MYLK: variants seen among roughly 807,000 people sequenced by gnomAD.
The protein encoded by MYLK is myosin light chain kinase, smooth muscle.
Under a neutral mutation model 203.4 loss-of-function variants are expected in MYLK, and 106 were observed. The ratio of observed to expected loss-of-function variants is 0.52; its 90% confidence interval spans 0.45 to 0.61. MYLK has a LOEUF of 0.61. Among genes scored for constraint, MYLK ranks in the 20% least tolerant of loss-of-function variants. The pLI is 0.00. For missense variants in MYLK, 2,072 were observed against 2,442.3 expected (o/e 0.85, Z 3.20); for synonymous variants, 867 against 959.5 (o/e 0.90, Z 1.78).
Position 123,666,068 on chromosome 3 carries a change from G to C in MYLK, c.3831+151C>G, listed in dbSNP as rs371684936. ...GGTTAACAAGAACTCAGGTTTGGCA[G>C]GTGAGCGATGGGTAGGGGAGTGGCC... On this transcript the variant is annotated intron_variant, in intron 22 of 33. Transcript: ENST00000360304. 33 of 1,214,736 alleles carry C rather than the reference G, an allele frequency of 2.7e-5. No individual in the cohort carries two copies. The African/African-American group carries it at 4.3e-4, about 16-fold the overall frequency. 75.2% of individuals were successfully genotyped at this position (1,214,736 alleles called of 1,614,324 possible). A position where few individuals can be genotyped will look rare whatever the true frequency, so the allele number is the denominator to read the frequency against.
At chr3:123,657,104 T>C (rs2059411411) in intron 24 of MYLK, 22 bp downstream of exon 24, 1 of 1,614,054 alleles carries the variant, frequency 6.2e-7, no homozygotes, top group African/African-American at 1.3e-5. Flanking sequence ...TTCAAGCCAC[T>C]GATGAAGTGA....
intron 2 of MYLK, among the ~76,000 whole-genome samples, chr3:123,861,588 T>C (rs1309612041): frequency 6.6e-6 from 1 of 152,254 alleles, no homozygotes; most frequent in Admixed American, 6.5e-5. Flanking sequence ...TTTATCCATA[T>C]GACTCTGCCC....
At chr3:123,861,527 G>A (rs142695757) in intron 2 of MYLK, among the ~76,000 whole-genome samples, 3 of 152,336 alleles carry the variant, frequency 2.0e-5, no homozygotes, top group Non-Finnish European at 2.9e-5. Context: ...TGGAGTAGAC[G>A]CCAGAGGGCC....
At chr3:123,658,513 C>T (rs2059462265) in intron 23 of MYLK, among the ~76,000 whole-genome samples, 1 of 152,162 alleles carries the variant, frequency 6.6e-6, no homozygotes, top group African/African-American at 2.4e-5. Flanking sequence ...TGTTCATTAA[C>T]CCTTCATCTC....
chr3:123,773,150 AT>A (rs1379932343), intron 4 of MYLK, among the ~76,000 whole-genome samples: 1 of 152,212 alleles, frequency 6.6e-6, no homozygotes, highest in African/African-American at 2.4e-5. Context: ...CTATACAACT[AT>A]TAAGATTTAT....
Position 123,663,219 on chromosome 3 carries a change from A to C in MYLK, c.3985+886T>G, listed in dbSNP as rs568014810. Among the ~76,000 whole-genome samples, 194 of 152,246 alleles carry C rather than the reference A, an allele frequency of 1.3e-3. 2 individuals carry two copies. Among genetic ancestry groups the C allele is most frequent in the Non-Finnish European group, 2.3e-3 (156 of 68,002 alleles). On this transcript the variant is annotated intron_variant, in intron 23 of 33. Transcript: ENST00000360304. ...TTGATGCTCCAGGAGAGAGCTGACC[A>C]GGGCACGAAGACAGTGTTAAGGGAG... is the stretch of plus-strand genomic sequence containing the variant.
intron 4 of MYLK, among the ~76,000 whole-genome samples, chr3:123,762,177 T>C (rs541082143): frequency 1.4e-4 from 22 of 152,352 alleles, no homozygotes; most frequent in African/African-American, 4.8e-4. Context: ...TAGTCATTTC[T>C]TCTGATATTT....
At chr3:123,662,151 T>C (rs2059584847) in intron 23 of MYLK, among the ~76,000 whole-genome samples, 1 of 152,166 alleles carries the variant, frequency 6.6e-6, no homozygotes, top group Admixed American at 6.6e-5. Context: ...GGCTTGCATG[T>C]CTCCCCTCAA....
chr3:123,758,774 T>G (rs2063442028), intron 4 of MYLK, among the ~76,000 whole-genome samples: 1 of 152,230 alleles, frequency 6.6e-6, no homozygotes. Flanking sequence ...GATATAAGCA[T>G]CTAAAACCCT....
chr3:123,760,723 A>T (rs1392659206), intron 4 of MYLK, among the ~76,000 whole-genome samples: 1 of 152,184 alleles, frequency 6.6e-6, no homozygotes, highest in East Asian at 1.9e-4. Context: ...ATTCTTATAG[A>T]CAACTTCAAG....
At chr3:123,712,141 C>T (rs1221616776) in intron 13 of MYLK, among the ~76,000 whole-genome samples, 3 of 152,220 alleles carry the variant, frequency 2.0e-5, no homozygotes, top group Non-Finnish European at 2.9e-5. Flanking sequence ...GCTGCTGACT[C>T]AGCACCGCAG....
intron 13 of MYLK, among the ~76,000 whole-genome samples, chr3:123,716,946 A>C (rs1368588453): frequency 6.6e-6 from 1 of 152,216 alleles, no homozygotes; most frequent in Non-Finnish European, 1.5e-5. Flanking sequence ...CTCAACCTAC[A>C]TAAAATGAAA....
chr3:123,714,191 G>T (rs1212513768), intron 13 of MYLK, among the ~76,000 whole-genome samples: 1 of 152,208 alleles, frequency 6.6e-6, no homozygotes, highest in Non-Finnish European at 1.5e-5. Flanking sequence ...TTACAGTGGA[G>T]GGAGCTGAGA....
chr3:123,682,182 C>CCTGCCT, intron 20 of MYLK, 42 bp downstream of exon 20: 1 of 1,527,002 alleles, frequency 6.5e-7, no homozygotes, highest in Admixed American at 1.9e-5. Flanking sequence ...GGTGCCTGCC[C>CCTGCCT]CTGCCTCTGC....
In MYLK at chr3:123,614,022, T is replaced by A. The variant is rs909737983; in HGVS notation, c.*83A>T. 3 of 1,491,510 alleles carry A rather than the reference T, an allele frequency of 2.0e-6. No homozygotes were observed. Among genetic ancestry groups the A allele is most frequent in the Admixed American group, 3.7e-5 (2 of 54,580 alleles). 92.4% of individuals were successfully genotyped at this position (1,491,510 alleles called of 1,614,324 possible). On this transcript the variant is annotated 3_prime_UTR_variant, in exon 34 of 34. Coordinates refer to ENST00000360304, the MANE Select transcript of MYLK (RefSeq NM_053025.4). ...TCTATCACACTAGGTGCTTTTACTA[T>A]CTTGAGTTTTTTTTTTTTTTTTGAG...
At chr3:123,752,226 T>G in intron 5 of MYLK, 105 bp downstream of exon 5, 1 of 1,226,838 alleles carries the variant, frequency 8.2e-7, no homozygotes, top group Non-Finnish European at 1.2e-6. Context: ...GTGTTTTCTC[T>G]TGTCAGTTCC....
At chr3:123,874,977 C>G (rs753422204) in intron 2 of MYLK, among the ~76,000 whole-genome samples, 2 of 152,126 alleles carry the variant, frequency 1.3e-5, no homozygotes, top group Non-Finnish European at 2.9e-5. Context: ...TAAAATCTGA[C>G]AATACCAAGT....
intron 20 of MYLK, among the ~76,000 whole-genome samples, chr3:123,673,504 A>C (rs1226335945): frequency 6.6e-6 from 1 of 151,992 alleles, no homozygotes; most frequent in Non-Finnish European, 1.5e-5. Flanking sequence ...CTTTGGGACA[A>C]GTTTGGCCCT....
chr3:123,638,843 C>T (rs981588754), intron 28 of MYLK: 26 of 985,314 alleles, frequency 2.6e-5, no homozygotes, highest in Non-Finnish European at 3.0e-5. Flanking sequence ...ACCTCTTGGC[C>T]ATAAAGGACC....
Sources: gnomAD v4.1 joint callset for allele counts (sites outside exome capture counted in the v4.1 genomes callset) on GRCh38, gnomAD v4.1.1 for gene constraint, MANE v1.5 for transcripts, NCBI Gene and HGNC (gene_info 2026-07-23, HGNC 2026-07-21) for gene names.